Variants in ZP1 observed in about 807,000 individuals in gnomAD.
ZP1 encodes zona pellucida sperm-binding protein 1.
ZP1 carries 58 observed loss-of-function variants against 67.4 expected under a neutral mutation model. The observed-to-expected ratio is 0.86, with a 90% CI of 0.70 to 1.07. The LOEUF (loss-of-function observed/expected upper bound fraction) is 1.07. Ranked by LOEUF, ZP1 falls within the 50% of genes least tolerant of loss-of-function variation. ZP1 has a pLI of 0.00. For missense variants in ZP1, 759 were observed against 807.3 expected (o/e 0.94, Z 0.72); for synonymous variants, 333 against 332.7 (o/e 1.00, Z -0.01).
rs768773325 is a variant in ZP1, at chr11:60,867,586, T to C, written c.25T>C (p.Trp9Arg). ...CATGGCAGGAGGCTCAGCCACGACC[T>C]GGGGTTACCCTGTGGCCCTGCTACT... MAGGSATTWGYPVALLLLV... is the reference protein window; with the variant it reads MAGGSATTRGYPVALLLLV... Residue 9 changes from tryptophan (W) to arginine (R), a missense_variant, in exon 1 of 12, where the codon TGG (tryptophan) becomes CGG (arginine). By Grantham distance (101) the Trp-to-Arg change is moderately radical. Transcript: ENST00000278853. The C allele has an allele frequency of 6.2e-7, 1 of 1,611,756 alleles. No individual in the cohort carries two copies. Among genetic ancestry groups the C allele is most frequent in the Non-Finnish European group, 8.5e-7 (1 of 1,178,648 alleles).
intron 9 of ZP1, among the ~76,000 whole-genome samples, 191 bp downstream of exon 9, chr11:60,873,966 A>G (rs1855647380): frequency 6.6e-6 from 1 of 152,182 alleles, no homozygotes; most frequent in Admixed American, 6.5e-5. Context: ...CACCAGGAGG[A>G]AGGAAAATGC....
chr11:60,873,822 G>A (rs1256347724), intron 9 of ZP1, 47 bp downstream of exon 9: 1 of 1,606,506 alleles, frequency 6.2e-7, no homozygotes, highest in Non-Finnish European at 8.5e-7. Context: ...TGTTAAGTGG[G>A]AGGAGCTGGT....
In ZP1 at chr11:60,873,455, C is replaced by T. The variant is rs867762322; in HGVS notation, c.1321C>T (p.Arg441Trp). ...CCGAGAACCAGTCCATGTGGAGGTCCGGCTTCTGCAGAGGACAGACCCCAA... is the reference window on the plus strand; with the variant it reads ...CCGAGAACCAGTCCATGTGGAGGTCTGGCTTCTGCAGAGGACAGACCCCAA... ...LLREPVHVEVRLLQRTDPNLV... is the reference protein window; with the variant it reads ...LLREPVHVEVWLLQRTDPNLV... Residue 441 changes from arginine (R) to tryptophan (W), a missense_variant, in exon 8 of 12, where the codon CGG (arginine) becomes TGG (tryptophan). Arg to Trp is a moderately radical substitution (Grantham distance 101). Transcript: ENST00000278853. The T allele has an allele frequency of 5.6e-6, 9 of 1,613,488 alleles. No homozygotes were observed. Among genetic ancestry groups the T allele is most frequent in the East Asian group, 2.2e-5 (1 of 44,852 alleles).
Position 60,873,781 on chromosome 11 carries a change from A to T in ZP1, c.1572+6A>T. On this transcript the variant is annotated splice_donor_region_variant and intron_variant, in intron 9 of 11. Transcript: ENST00000278853. ...AGAGAGCCCTCAGAGGACTGGTAAG[A>T]AGCCCCGGCTGCCGCATGCCTGGTC... 1 of 1,613,434 alleles carries T rather than the reference A, an allele frequency of 6.2e-7. No homozygotes were observed. Among genetic ancestry groups the T allele is most frequent in the South Asian group, 1.1e-5 (1 of 91,074 alleles).
intron 7 of ZP1, 43 bp downstream of exon 7, chr11:60,873,332 T>C (rs772819173): frequency 6.3e-6 from 10 of 1,589,032 alleles, no homozygotes; most frequent in Non-Finnish European, 8.6e-6. Flanking sequence ...CCCACTTCCC[T>C]GATGCACAGC....
In ZP1 at chr11:60,873,612, CCT is replaced by C. The variant is rs1225337980; in HGVS notation, c.1431-17_1431-16del. 1.2e-6 allele frequency: 2 copies of C among 1,614,136 alleles called. No homozygotes were observed. The highest frequency in any genetic ancestry group is 2.7e-5 in the African/African-American group (2 of 75,048). The stretch of plus-strand genomic sequence containing the variant: ...CACCTGCTCTGCCTCCTGTAAACAG[CCT>C]CTCTGACTTCTCTTCTCAGATGCCC... On this transcript the variant is annotated intron_variant, in intron 8 of 11. Transcript: ENST00000278853.
chr11:60,870,954 C>A lies in ZP1; in HGVS notation c.827-3C>A. On this transcript the variant is annotated splice_region_variant and splice_polypyrimidine_tract_variant and intron_variant, in intron 4 of 11. Transcript: ENST00000278853. The stretch of plus-strand genomic sequence containing the variant: ...CCAAGGCCCTCATCTGCCTTTGTCC[C>A]AGCTACTGTCCAGTGCTTCAGAGAT... 2 of 1,612,048 alleles carry A rather than the reference C, an allele frequency of 1.2e-6. No individual in the cohort carries two copies. The highest frequency in any genetic ancestry group is 1.7e-6 in the Non-Finnish European group (2 of 1,178,854).
At position 60,870,344 on chromosome 11, in the gene ZP1, G is replaced by A; in HGVS notation, c.695G>A (p.Ser232Asn). 6.2e-7 allele frequency: 1 copy of A among 1,607,234 alleles called. No individual in the cohort carries two copies. The highest frequency in any genetic ancestry group is 8.5e-7 in the Non-Finnish European group (1 of 1,176,918). The change falls in exon 4 of 12, where the codon AGC becomes AAC. Residue 232 changes from serine (S) to asparagine (N), a missense_variant. Transcript: ENST00000278853. ...GTCCCAACCCTAGGTACCCACCTGA[G>A]CCAGGAGCAGTGCCAGGTGGCCTCA... ...NKRDYIGTHL[S>N]QEQCQVASGH...
Position 60,869,906 on chromosome 11 carries a change from C to T in ZP1, c.682+6C>T. 6.5e-7 allele frequency: 1 copy of T among 1,540,980 alleles called. No homozygotes were observed. Among genetic ancestry groups the T allele is most frequent in the Middle Eastern group, 1.8e-4 (1 of 5,690 alleles). ...GAACAAACGAGATTACATAGGTACG[C>T]AGGACATCTGAGTGTACTTACCCTC... is the stretch of plus-strand genomic sequence containing the variant. On this transcript the variant is annotated splice_donor_region_variant and intron_variant, in intron 3 of 11. Transcript: ENST00000278853.
At position 60,873,711 on chromosome 11, in the gene ZP1, A is replaced by G; in HGVS notation, c.1508A>G (p.Gln503Arg). The G allele has an allele frequency of 6.2e-7, 1 of 1,614,168 alleles. No homozygotes were observed. Among genetic ancestry groups the G allele is most frequent in the South Asian group, 1.1e-5 (1 of 91,088 alleles). The change falls in exon 9 of 12, where the codon CAG becomes CGG. Residue 503 changes from glutamine (Q) to arginine (R), a missense_variant. Physicochemically the swap from Gln to Arg is conservative, Grantham distance 43. Transcript: ENST00000278853. ...DGATPFQSHY[Q>R]RFTVATFALL... Reference sequence around the variant, plus strand: ...GCCACACCTTTCCAGTCGCACTACCAGCGATTCACTGTTGCTACCTTCGCC... The same window carrying G: ...GCCACACCTTTCCAGTCGCACTACCGGCGATTCACTGTTGCTACCTTCGCC...
At chr11:60,869,459 G>A in intron 2 of ZP1, 78 bp from the exon 3 acceptor site, 1 of 1,530,626 alleles carries the variant, frequency 6.5e-7, no homozygotes. Context: ...GGCCAGCTCA[G>A]CTCTCGTGGG....
At chr11:60,870,029 A>G (rs1855537201) in intron 3 of ZP1, 129 bp downstream of exon 3, 1 of 1,146,930 alleles carries the variant, frequency 8.7e-7, no homozygotes, top group Non-Finnish European at 1.2e-6. Context: ...GAAAAAGATG[A>G]TTCTTTTATT....
Position 60,867,570 on chromosome 11 carries a change from A to C in ZP1, c.9A>C (p.Gly3=). MA[G]GSATTWGYPV... ...TGTGTCTGTGGCGTCTCATGGCAGGAGGCTCAGCCACGACCTGGGGTTACC... is the reference window on the plus strand; with the variant it reads ...TGTGTCTGTGGCGTCTCATGGCAGGCGGCTCAGCCACGACCTGGGGTTACC... Residue 3 remains glycine, a synonymous_variant, in exon 1 of 12, where the codon GGA becomes GGC. Coordinates refer to ENST00000278853, the MANE Select transcript of ZP1 (RefSeq NM_207341.4). 6.2e-7 allele frequency: 1 copy of C among 1,606,494 alleles called. No homozygotes were observed.
At position 60,869,706 on chromosome 11, in the gene ZP1, C is replaced by T; in HGVS notation, c.488C>T (p.Ser163Phe). ...TCTGTCTCAACCCCACAAACCCTTTCCTTCCTCCCCACCTCTGGCCATACC... is the reference window on the plus strand; with the variant it reads ...TCTGTCTCAACCCCACAAACCCTTTTCTTCCTCCCCACCTCTGGCCATACC... ...MFSVSTPQTL[S>F]FLPTSGHTSQ... Residue 163 changes from serine to phenylalanine, a missense_variant, in exon 3 of 12, where the codon TCC becomes TTC. By Grantham distance (155) the Ser-to-Phe change is radical. Coordinates refer to ENST00000278853, the MANE Select transcript of ZP1 (RefSeq NM_207341.4). 1 of 1,614,086 alleles carries T rather than the reference C, an allele frequency of 6.2e-7. No individual in the cohort carries two copies. The highest frequency in any genetic ancestry group is 8.5e-7 in the Non-Finnish European group (1 of 1,179,958).
intron 11 of ZP1, 38 bp downstream of exon 11, chr11:60,875,286 C>A: frequency 1.3e-6 from 2 of 1,585,730 alleles, no homozygotes; most frequent in South Asian, 1.1e-5. Flanking sequence ...AGGCCTTACC[C>A]ACTCTCAGCC....
At chr11:60,869,072 C>A in intron 1 of ZP1, 73 bp from the exon 2 acceptor site, 1 of 1,584,910 alleles carries the variant, frequency 6.3e-7, no homozygotes. Context: ...TGAGTGGGAA[C>A]TCCTTCCGAG....
chr11:60,873,390 C>G lies in ZP1; in HGVS notation c.1256C>G (p.Ser419Trp). ...LRIAKDETFS[S>W]YYGEDDYPIV... Reference sequence around the variant, plus strand: ...CTCCCTGCAGACGAGACCTTCAGCTCGTACTATGGGGAGGATGACTATCCC... The same window carrying G: ...CTCCCTGCAGACGAGACCTTCAGCTGGTACTATGGGGAGGATGACTATCCC... Residue 419 changes from serine (S) to tryptophan (W), a missense_variant, in exon 8 of 12, where the codon TCG becomes TGG. Physicochemically the swap from Ser to Trp is radical, Grantham distance 177. Coordinates refer to ENST00000278853, the MANE Select transcript of ZP1 (RefSeq NM_207341.4). 6.2e-7 allele frequency: 1 copy of G among 1,606,176 alleles called. No individual in the cohort carries two copies. Among genetic ancestry groups the G allele is most frequent in the Non-Finnish European group, 8.5e-7 (1 of 1,173,384 alleles).
chr11:60,874,231 C>T (rs1011528840), intron 9 of ZP1, among the ~76,000 whole-genome samples: 5 of 152,198 alleles, frequency 3.3e-5, no homozygotes, highest in Non-Finnish European at 7.3e-5. Context: ...CATCACATAC[C>T]CAAATCTCTA....
At chr11:60,874,337 C>A (rs2134838845) in intron 9 of ZP1, among the ~76,000 whole-genome samples, 1 of 152,338 alleles carries the variant, frequency 6.6e-6, no homozygotes, top group African/African-American at 2.4e-5. Context: ...CTGCTGTGTG[C>A]TGCCCATGAG....
Sources: gnomAD v4.1 joint callset for allele counts (sites outside exome capture counted in the v4.1 genomes callset) on GRCh38, gnomAD v4.1.1 for gene constraint, MANE v1.5 for transcripts, NCBI Gene and HGNC (gene_info 2026-07-23, HGNC 2026-07-21) for gene names.